QNG1: variants seen among roughly 807,000 people sequenced by gnomAD.
QNG1 encodes the protein queuosine 5'-phosphate N-glycosylase/hydrolase.
chr9:83,956,008 C>T, the QNG1 span, among the ~76,000 whole-genome samples: 1 of 152,122 alleles, frequency 6.6e-6, no homozygotes, highest in Non-Finnish European at 1.5e-5. Context: ...TGCCCCTTTT[C>T]ATACTTCTAT....
the QNG1 span, among the ~76,000 whole-genome samples, chr9:83,948,216 G>C: frequency 1.3e-5 from 2 of 151,788 alleles, no homozygotes; most frequent in African/African-American, 2.4e-5. Context: ...CCCCGTCTGG[G>C]AGGTGAGGAG....
the QNG1 span, chr9:83,953,801 C>A: frequency 6.5e-7 from 1 of 1,549,122 alleles, no homozygotes; most frequent in South Asian, 1.2e-5. Context: ...CCGGGTGCAG[C>A]CTGTGAGGGT....
chr9:83,955,468 G>A, the QNG1 span: 2 of 1,614,112 alleles, frequency 1.2e-6, no homozygotes, highest in Non-Finnish European at 1.7e-6. Context: ...TTTCTCGGAC[G>A]CAGTTGAGAA....
At chr9:83,948,580 A>C in the QNG1 span, among the ~76,000 whole-genome samples, 87,083 of 151,284 alleles carry the variant, frequency 0.58, 25,815 homozygotes, top group African/African-American at 0.72. Flanking sequence ...GGCCGCCACC[A>C]CGTCTGGGAG....
the QNG1 span, chr9:83,944,851 G>A: frequency 3.1e-6 from 5 of 1,613,938 alleles, no homozygotes; most frequent in South Asian, 5.5e-5. Flanking sequence ...AGATGAGCAA[G>A]AACCTGAGGT....
At chr9:83,956,368 G>A in the QNG1 span, 3 of 1,608,656 alleles carry the variant, frequency 1.9e-6, no homozygotes, top group African/African-American at 2.7e-5. Context: ...CCCTCCACGC[G>A]CAGCTCTGGC....
chr9:83,953,823 A>G, the QNG1 span: 1 of 1,548,160 alleles, frequency 6.5e-7, no homozygotes, highest in Non-Finnish European at 8.7e-7. Flanking sequence ...CAACAAAATG[A>G]TCATCATTTG....
chr9:83,955,963 AATG>A, the QNG1 span, among the ~76,000 whole-genome samples: 10 of 152,210 alleles, frequency 6.6e-5, no homozygotes, highest in Non-Finnish European at 5.9e-5. Context: ...TTTATGCTGC[AATG>A]ATAAATATTA....
the QNG1 span, chr9:83,956,594 C>A: frequency 1.3e-5 from 14 of 1,086,294 alleles, no homozygotes; most frequent in African/African-American, 2.1e-4. Context: ...CGCGCGATCA[C>A]AGGGCCTAAA....
chr9:83,949,571 G>A, the QNG1 span, among the ~76,000 whole-genome samples: 183 of 152,234 alleles, frequency 1.2e-3, 1 homozygote, highest in African/African-American at 4.1e-3. Context: ...ACTTGAACCC[G>A]GGAGGCCGAA....
chr9:83,946,947 T>C, the QNG1 span, among the ~76,000 whole-genome samples: 86 of 152,042 alleles, frequency 5.7e-4, 1 homozygote, highest in Middle Eastern at 0.024. Context: ...GGCACGTGCC[T>C]GTAGTCTCAG....
the QNG1 span, chr9:83,956,286 T>G: frequency 6.2e-7 from 1 of 1,614,126 alleles, no homozygotes; most frequent in Non-Finnish European, 8.5e-7. Flanking sequence ...GTTGAGCGTG[T>G]CTGTCACGAA....
the QNG1 span, chr9:83,938,683 A>AC: frequency 2.0e-5 from 3 of 151,862 alleles, no homozygotes; most frequent in Admixed American, 6.6e-5. Context: ...GGAAAAAAAA[A>AC]AAACATAAGT....
At chr9:83,956,475 T>C in the QNG1 span, 1 of 1,526,044 alleles carries the variant, frequency 6.6e-7, no homozygotes, top group Non-Finnish European at 8.8e-7. Flanking sequence ...TTTAGAGGAT[T>C]CCCTGGGATT....
the QNG1 span, among the ~76,000 whole-genome samples, chr9:83,946,453 C>T: frequency 8.5e-5 from 13 of 152,248 alleles, no homozygotes; most frequent in African/African-American, 3.1e-4. Context: ...AATTGATCAA[C>T]AGCTAGAAAA....
chr9:83,948,835 G>A, the QNG1 span, among the ~76,000 whole-genome samples: 1 of 152,134 alleles, frequency 6.6e-6, no homozygotes, highest in African/African-American at 2.4e-5. Flanking sequence ...GGTCCACTCA[G>A]GGTTAAATGG....
the QNG1 span, among the ~76,000 whole-genome samples, chr9:83,950,341 C>T: frequency 6.6e-6 from 1 of 152,052 alleles, no homozygotes; most frequent in African/African-American, 2.4e-5. Context: ...AGCCACCACG[C>T]CTGGCCATCT....
chr9:83,953,809 GGTCCAACAAAATGATCATC>G, the QNG1 span: 7 of 1,548,714 alleles, frequency 4.5e-6, no homozygotes, highest in Non-Finnish European at 6.1e-6. Context: ...AGCCTGTGAG[GGTCCAACAAAATGATCATC>G]ATTTGTTCAA....
the QNG1 span, among the ~76,000 whole-genome samples, chr9:83,941,572 C>T: frequency 6.6e-6 from 1 of 152,068 alleles, no homozygotes; most frequent in Non-Finnish European, 1.5e-5. Context: ...GCCTTGGTGA[C>T]AGAGTAAGAC....
Sources: gnomAD v4.1 joint callset for allele counts (sites outside exome capture counted in the v4.1 genomes callset) on GRCh38, gnomAD v4.1.1 for gene constraint, MANE v1.5 for transcripts, NCBI Gene and HGNC (gene_info 2026-07-23, HGNC 2026-07-21) for gene names.